The following CCSER1 variants were observed in gnomAD, a reference collection of about 807,000 sequenced individuals.
CCSER1 encodes the protein serine-rich coiled-coil domain-containing protein 1.
Under a neutral mutation model 82.0 loss-of-function variants are expected in CCSER1, and 41 were observed. That is an observed-to-expected ratio of 0.50 (90% confidence interval 0.39 to 0.65). The LOEUF is 0.65. CCSER1 is among the 30% of genes least tolerant of loss of function. CCSER1 has a pLI of 0.00. For synonymous variants in CCSER1, 414 were observed against 383.9 expected (o/e 1.08, Z -0.92); for missense variants, 1,119 against 1,064.2 (o/e 1.05, Z -0.72).
At chr4:90,316,540 G>A (rs998272162) in intron 3 of CCSER1, among the ~76,000 whole-genome samples, 1 of 152,298 alleles carries the variant, frequency 6.6e-6, no homozygotes, top group South Asian at 2.1e-4. Context: ...TGTCCTTACT[G>A]AGAGATATCC....
rs1236107639 is a variant in CCSER1, at chr4:90,263,124, A to G, written c.-41-45120A>G. ...GTGCTGCAATAGCATCTCTGCTATG[A>G]GAAACTTCCCACCAGCGGAAAGATC... is the stretch of plus-strand genomic sequence containing the variant. On this transcript the variant is annotated intron_variant, in intron 1 of 10. Coordinates refer to ENST00000509176, the MANE Select transcript of CCSER1 (RefSeq NM_001145065.2). 3.3e-5 allele frequency among the ~76,000 whole-genome samples: 5 copies of G among 152,298 alleles called. No homozygotes were observed. The East Asian group carries it at 9.7e-4, about 29-fold the overall frequency.
intron 10 of CCSER1, among the ~76,000 whole-genome samples, chr4:91,578,445 C>G (rs1284446432): frequency 6.6e-6 from 1 of 151,888 alleles, no homozygotes; most frequent in Non-Finnish European, 1.5e-5. Context: ...AATGCTGAAT[C>G]TATGTCACAA....
intron 8 of CCSER1, among the ~76,000 whole-genome samples, chr4:90,864,909 T>A (rs79968765): frequency 0.016 from 2,442 of 152,138 alleles, 71 homozygotes; most frequent in African/African-American, 0.053. Flanking sequence ...TGTAATTAAT[T>A]ACATTTCTAT....
At chr4:90,877,535 CAAAA>C (rs1476671974) in intron 8 of CCSER1, among the ~76,000 whole-genome samples, 1 of 151,802 alleles carries the variant, frequency 6.6e-6, no homozygotes, top group Non-Finnish European at 1.5e-5. Context: ...ATACTTACCT[CAAAA>C]AAGTTATTGA....
chr4:91,150,600 A>G (rs1730074730), intron 10 of CCSER1, among the ~76,000 whole-genome samples: 2 of 152,124 alleles, frequency 1.3e-5, no homozygotes, highest in South Asian at 4.1e-4. Context: ...CCCATTCAGT[A>G]TGTTACTGGC....
rs181397283 is a variant in CCSER1 at position 90,595,880 on chromosome 4, G to C, written c.1725-32145G>C. On this transcript the variant is annotated intron_variant, in intron 5 of 10. Coordinates refer to ENST00000509176, the MANE Select transcript of CCSER1 (RefSeq NM_001145065.2). ...GGGCAGAACATATCTTTTATAGAAT[G>C]GTATGTTGTAATTGATTTAATATGG... Among the ~76,000 whole-genome samples, 96 of 151,912 alleles carry C rather than the reference G, an allele frequency of 6.3e-4. 1 individual carries two copies. Among genetic ancestry groups the C allele is most frequent in the Admixed American group, 2.2e-3 (33 of 15,230 alleles).
chr4:91,228,421 T>C (rs1738374989), intron 10 of CCSER1, among the ~76,000 whole-genome samples: 1 of 151,984 alleles, frequency 6.6e-6, no homozygotes, highest in Non-Finnish European at 1.5e-5. Flanking sequence ...TTGCATAAGT[T>C]ATACCAACAT....
intron 5 of CCSER1, among the ~76,000 whole-genome samples, chr4:90,484,799 T>C (rs899704146): frequency 1.3e-5 from 2 of 152,204 alleles, no homozygotes; most frequent in Admixed American, 1.3e-4. Context: ...GGGGGGTTCC[T>C]CCCAGTTAGG....
intron 8 of CCSER1, among the ~76,000 whole-genome samples, chr4:90,829,235 A>G (rs1241917299): frequency 1.3e-5 from 2 of 152,148 alleles, no homozygotes; most frequent in Non-Finnish European, 2.9e-5. Context: ...AGGAAGTGCT[A>G]AGATCATCTG....
intron 5 of CCSER1, among the ~76,000 whole-genome samples, chr4:90,495,344 C>G (rs998155509): frequency 6.6e-6 from 1 of 152,128 alleles, no homozygotes; most frequent in Non-Finnish European, 1.5e-5. Context: ...CATGCATTAA[C>G]ATGACCATTG....
chr4:91,242,894 C>T (rs569250986), intron 10 of CCSER1, among the ~76,000 whole-genome samples: 1 of 152,276 alleles, frequency 6.6e-6, no homozygotes, highest in East Asian at 1.9e-4. Context: ...GCCACTGGAA[C>T]ACCAAATTTT....
intron 1 of CCSER1, among the ~76,000 whole-genome samples, chr4:90,299,048 AT>A (rs1732571589): frequency 1.3e-5 from 2 of 152,076 alleles, no homozygotes; most frequent in Admixed American, 6.6e-5. Context: ...CTGGCTGAGT[AT>A]CAAGATTACG....
chr4:90,508,978 A>G (rs1239796990), intron 5 of CCSER1, among the ~76,000 whole-genome samples: 1 of 152,068 alleles, frequency 6.6e-6, no homozygotes, highest in Admixed American at 6.6e-5. Flanking sequence ...CTTTTTTAGG[A>G]AACTTTGAAT....
chr4:91,307,258 A>C (rs550377224), intron 10 of CCSER1, among the ~76,000 whole-genome samples: 1 of 152,020 alleles, frequency 6.6e-6, no homozygotes, highest in African/African-American at 2.4e-5. Flanking sequence ...AAAGTTATGA[A>C]ACAATAAAAA....
intron 1 of CCSER1, among the ~76,000 whole-genome samples, chr4:90,163,938 A>G (rs1360391416): frequency 6.6e-6 from 1 of 152,092 alleles, no homozygotes; most frequent in East Asian, 1.9e-4. Context: ...TTTGAGATAA[A>G]TTTTCTAGCC....
chr4:90,222,482 G>A (rs967157304), intron 1 of CCSER1, among the ~76,000 whole-genome samples: 4 of 152,088 alleles, frequency 2.6e-5, no homozygotes, highest in Non-Finnish European at 1.5e-5. Context: ...GCTAGATTTA[G>A]GAGTTGCTTT....
intron 10 of CCSER1, among the ~76,000 whole-genome samples, chr4:91,357,302 G>A (rs1748911779): frequency 6.6e-6 from 1 of 152,062 alleles, no homozygotes; most frequent in Non-Finnish European, 1.5e-5. Context: ...AAGCCTTGTA[G>A]ACATATTTAT....
chr4:90,957,245 G>C (rs1194224369), intron 9 of CCSER1, among the ~76,000 whole-genome samples: 48 of 141,944 alleles, frequency 3.4e-4, no homozygotes, highest in African/African-American at 1.0e-3. Context: ...GGGATTACAG[G>C]CCCCCCCCAC....
At chr4:90,531,726 C>T (rs1162626702) in intron 5 of CCSER1, among the ~76,000 whole-genome samples, 1 of 152,162 alleles carries the variant, frequency 6.6e-6, no homozygotes, top group Non-Finnish European at 1.5e-5. Context: ...AATAGCATCA[C>T]TGAAAATTCT....
Sources: gnomAD v4.1 joint callset for allele counts (sites outside exome capture counted in the v4.1 genomes callset) on GRCh38, gnomAD v4.1.1 for gene constraint, MANE v1.5 for transcripts, NCBI Gene and HGNC (gene_info 2026-07-23, HGNC 2026-07-21) for gene names.